The following NRG1 variants were observed in gnomAD, a reference collection of about 807,000 sequenced individuals.
NRG1 encodes the protein neuregulin 1, also known as pro-neuregulin-1, membrane-bound isoform.
NRG1 carries 18 observed loss-of-function variants against 63.8 expected under a neutral mutation model. The observed-to-expected ratio is 0.28, with a 90% CI of 0.19 to 0.42. NRG1 has a LOEUF of 0.42. Among genes scored for constraint, NRG1 ranks in the 10% least tolerant of loss-of-function variants. NRG1 has a pLI of 1.00. For missense variants in NRG1, 762 were observed against 814.7 expected, an observed-to-expected ratio of 0.94 and a Z score of 0.79; for synonymous variants, 302 against 301.3, an observed-to-expected ratio of 1.00 and a Z score of -0.02.
At chr8:32,719,956 G>T (rs996714894) in intron 5 of NRG1, among the ~76,000 whole-genome samples, 2 of 151,894 alleles carry the variant, frequency 1.3e-5, no homozygotes, top group Admixed American at 6.6e-5. Flanking sequence ...TTTCATCAAA[G>T]GTTGATTCGG....
chr8:32,511,524 G>A (rs1020020530), intron 1 of NRG1, among the ~76,000 whole-genome samples: 1 of 151,582 alleles, frequency 6.6e-6, no homozygotes, highest in Non-Finnish European at 1.5e-5. Flanking sequence ...AGACACTTCT[G>A]ATCAGTGTTC....
intron 1 of NRG1, among the ~76,000 whole-genome samples, chr8:32,307,890 G>A (rs1354717590): frequency 6.6e-6 from 1 of 152,036 alleles, no homozygotes; most frequent in African/African-American, 2.4e-5. Context: ...AAACTTCAGC[G>A]CAAATTGTGC....
intron 1 of NRG1, among the ~76,000 whole-genome samples, chr8:31,864,518 G>T (rs564063344): frequency 6.6e-6 from 1 of 152,106 alleles, no homozygotes; most frequent in South Asian, 2.1e-4. Context: ...CCAGGCCCAG[G>T]CCAGTGGGTT....
intron 5 of NRG1, among the ~76,000 whole-genome samples, chr8:32,726,628 A>T (rs1261061901): frequency 6.6e-6 from 1 of 152,168 alleles, no homozygotes; most frequent in Non-Finnish European, 1.5e-5. Flanking sequence ...GAATAATCAG[A>T]TATTGAGTAT....
At chr8:32,057,447 G>A (rs1295427657) in intron 1 of NRG1, among the ~76,000 whole-genome samples, 1 of 152,132 alleles carries the variant, frequency 6.6e-6, no homozygotes, top group African/African-American at 2.4e-5. Flanking sequence ...TTGTCCTAAA[G>A]TCATTCTTCA....
At chr8:32,226,673 T>A (rs1417214543) in intron 1 of NRG1, among the ~76,000 whole-genome samples, 1 of 152,174 alleles carries the variant, frequency 6.6e-6, no homozygotes, top group Non-Finnish European at 1.5e-5. Flanking sequence ...ATGGCTCTTT[T>A]CCTGGGGCAT....
intron 1 of NRG1, among the ~76,000 whole-genome samples, chr8:32,123,271 C>A (rs1453005449): frequency 6.6e-6 from 1 of 151,854 alleles, no homozygotes; most frequent in East Asian, 1.9e-4. Context: ...GGGAGGGACC[C>A]AATGGGAAGT....
chr8:31,704,237 C>T (rs1240545838), intron 1 of NRG1, among the ~76,000 whole-genome samples: 2 of 152,212 alleles, frequency 1.3e-5, no homozygotes, highest in African/African-American at 4.8e-5. Flanking sequence ...GCTTAAAACT[C>T]TAAAATTTAA....
chr8:31,828,397 T>G (rs540748362), intron 1 of NRG1, among the ~76,000 whole-genome samples: 4 of 152,270 alleles, frequency 2.6e-5, no homozygotes, highest in African/African-American at 9.6e-5. Context: ...GTAGTCAAAT[T>G]AGTTACATTA....
At chr8:32,049,693 G>T (rs1821663389) in intron 1 of NRG1, among the ~76,000 whole-genome samples, 1 of 152,054 alleles carries the variant, frequency 6.6e-6, no homozygotes, top group Non-Finnish European at 1.5e-5. Flanking sequence ...AACATCAGAG[G>T]AAACAAATTT....
At chr8:31,685,400 C>T (rs1315213953) in intron 1 of NRG1, among the ~76,000 whole-genome samples, 1 of 152,056 alleles carries the variant, frequency 6.6e-6, no homozygotes, top group African/African-American at 2.4e-5. Flanking sequence ...CAGTAATAAA[C>T]ATATTTTGGT....
At chr8:32,686,370 G>C (rs111509160) in intron 5 of NRG1, among the ~76,000 whole-genome samples, 2 of 152,154 alleles carry the variant, frequency 1.3e-5, no homozygotes, top group Non-Finnish European at 2.9e-5. Flanking sequence ...TCCCATTAGG[G>C]TTGATACATT....
rs145232679 is a variant in NRG1 at position 32,453,114 on chromosome 8, C to T, written c.38-142714C>T. Among the ~76,000 whole-genome samples, 1,410 of 152,266 alleles carry T rather than the reference C, an allele frequency of 9.3e-3. 21 individuals are homozygous for T. The highest frequency in any genetic ancestry group is 0.033 in the African/African-American group (1,370 of 41,554). ...GGAACCAGATTCTGAACCTGTAACTCATTTAAATCTTGCCGTGACTTTGGT... is the reference window on the plus strand; with the variant it reads ...GGAACCAGATTCTGAACCTGTAACTTATTTAAATCTTGCCGTGACTTTGGT... On this transcript the variant is annotated intron_variant, in intron 1 of 10. Transcript: ENST00000519301.
intron 1 of NRG1, among the ~76,000 whole-genome samples, chr8:32,190,705 A>G (rs1842410072): frequency 6.6e-6 from 1 of 152,134 alleles, no homozygotes; most frequent in African/African-American, 2.4e-5. Flanking sequence ...ATTTTACCGT[A>G]TTTGCAACCT....
At chr8:32,006,390 C>T (rs970730896) in intron 1 of NRG1, among the ~76,000 whole-genome samples, 2 of 151,998 alleles carry the variant, frequency 1.3e-5, no homozygotes, top group African/African-American at 4.8e-5. Flanking sequence ...TTTCACAGGG[C>T]TAATATCCAG....
At position 32,383,286 on chromosome 8, in the gene NRG1, C is replaced by A. The variant is rs1227085030; in HGVS notation, c.38-212542C>A. 1.3e-5 allele frequency among the ~76,000 whole-genome samples: 2 copies of A among 152,050 alleles called. 1 individual carries two copies. Among genetic ancestry groups the A allele is most frequent in the East Asian group, 3.9e-4 (2 of 5,176 alleles). On this transcript the variant is annotated intron_variant, in intron 1 of 10. Transcript: ENST00000519301. ...CCTTTCTTTCCTTTCATGTCAGAGA[C>A]CACATATTGCAATGAGAGTGAAATC...
At chr8:32,678,634 G>A (rs1050347029) in intron 5 of NRG1, among the ~76,000 whole-genome samples, 1 of 152,090 alleles carries the variant, frequency 6.6e-6, no homozygotes, top group Non-Finnish European at 1.5e-5. Flanking sequence ...TCGATCAATT[G>A]CTTCACCTTC....
intron 1 of NRG1, chr8:32,061,863 C>T (rs1224387192): frequency 6.6e-6 from 1 of 151,814 alleles, no homozygotes; most frequent in Non-Finnish European, 1.5e-5. Context: ...TTCTTTGTTG[C>T]GTCATATTAA....
At chr8:32,217,803 T>A (rs1845399621) in intron 1 of NRG1, among the ~76,000 whole-genome samples, 1 of 152,172 alleles carries the variant, frequency 6.6e-6, no homozygotes, top group Admixed American at 6.6e-5. Context: ...CTGGTATACA[T>A]CATAGAACAA....
Sources: gnomAD v4.1 joint callset for allele counts (sites outside exome capture counted in the v4.1 genomes callset) on GRCh38, gnomAD v4.1.1 for gene constraint, MANE v1.5 for transcripts, NCBI Gene and HGNC (gene_info 2026-07-23, HGNC 2026-07-21) for gene names.